The following FHIT variants were observed in gnomAD, a reference collection of about 807,000 sequenced individuals.
The protein encoded by FHIT is fragile histidine triad diadenosine triphosphatase.
A neutral mutation model predicts 17.9 loss-of-function variants in FHIT; 19 were observed. That is an observed-to-expected ratio of 1.06 (90% CI 0.74 to 1.56). The LOEUF is 1.56. FHIT is among the 40% of genes most tolerant of loss of function. FHIT has a pLI of 0.00. For missense variants in FHIT, 248 were observed against 189.2 expected, an observed-to-expected ratio of 1.31 and a Z score of -1.82; for synonymous variants, 81 against 69.7, an observed-to-expected ratio of 1.16 and a Z score of -0.81.
At chr3:59,749,791 G>C (rs1045268372) in intron 9 of FHIT, 1 of 222,048 alleles carries the variant, frequency 4.5e-6, no homozygotes, top group Admixed American at 5.9e-5. Flanking sequence ...CTGTGAGGAT[G>C]GTTTCAATAG....
intron 4 of FHIT, chr3:60,537,378 CT>C: frequency 3.0e-6 from 2 of 657,070 alleles, no homozygotes; most frequent in Non-Finnish European, 1.9e-6. Flanking sequence ...AACTATAAAC[CT>C]TCTAATTCTT....
intron 8 of FHIT, among the ~76,000 whole-genome samples, chr3:59,802,172 T>C (rs1262378982): frequency 1.8e-5 from 2 of 108,296 alleles, no homozygotes; most frequent in Non-Finnish European, 4.5e-5. Flanking sequence ...ATTAGACTTG[T>C]ATTAAAAAAA....
Position 60,059,877 on chromosome 3 carries a change from T to C in FHIT, c.104-45725A>G, listed in dbSNP as rs78067898. The stretch of plus-strand genomic sequence containing the variant: ...AAAACTTTACTAGCTATTCTTCAAA[T>C]CGACAATGGTTTGACTTCAACAGGT... On this transcript the variant is annotated intron_variant, in intron 5 of 9. Coordinates refer to ENST00000492590, the MANE Select transcript of FHIT (RefSeq NM_002012.4). Among the ~76,000 whole-genome samples, 46 of 152,306 alleles carry C rather than the reference T, an allele frequency of 3.0e-4. 2 individuals carry two copies. In the East Asian group the frequency reaches 8.9e-3, roughly 29 times the overall value.
chr3:60,278,229 A>C (rs1261219252), intron 5 of FHIT, among the ~76,000 whole-genome samples: 1 of 152,124 alleles, frequency 6.6e-6, no homozygotes, highest in African/African-American at 2.4e-5. Context: ...TCTCATGGGG[A>C]AGTCTGGAGA....
intron 7 of FHIT, among the ~76,000 whole-genome samples, chr3:59,946,130 T>G (rs1478403032): frequency 6.6e-6 from 1 of 152,228 alleles, no homozygotes; most frequent in Non-Finnish European, 1.5e-5. Flanking sequence ...GTGGCCATTT[T>G]AACAGTATTG....
intron 5 of FHIT, among the ~76,000 whole-genome samples, chr3:60,245,263 T>C (rs1705333678): frequency 6.6e-6 from 1 of 152,096 alleles, no homozygotes; most frequent in Admixed American, 6.6e-5. Context: ...GCTAATAATT[T>C]TGCATTTCGA....
At chr3:60,432,974 T>G (rs991214385) in intron 5 of FHIT, among the ~76,000 whole-genome samples, 1 of 151,880 alleles carries the variant, frequency 6.6e-6, no homozygotes, top group Non-Finnish European at 1.5e-5. Context: ...AAATTTTAAG[T>G]GCACTAGATA....
intron 7 of FHIT, among the ~76,000 whole-genome samples, chr3:59,966,569 G>T (rs991869776): frequency 3.9e-5 from 6 of 152,084 alleles, no homozygotes; most frequent in African/African-American, 1.2e-4. Context: ...GGTTACAAAG[G>T]TATAGAGCAT....
intron 5 of FHIT, among the ~76,000 whole-genome samples, chr3:60,480,077 T>C (rs2033538935): frequency 6.6e-6 from 1 of 152,102 alleles, no homozygotes; most frequent in South Asian, 2.1e-4. Context: ...TTCCACATGG[T>C]TGGGGAGGCC....
At chr3:60,686,415 G>T (rs190447558) in intron 4 of FHIT, among the ~76,000 whole-genome samples, 1 of 152,122 alleles carries the variant, frequency 6.6e-6, no homozygotes, top group Middle Eastern at 3.4e-3. Flanking sequence ...GCAAAACCAC[G>T]ATTACTTTTG....
chr3:61,060,340 C>T (rs371806841), intron 2 of FHIT, among the ~76,000 whole-genome samples: 16 of 152,220 alleles, frequency 1.1e-4, no homozygotes, highest in African/African-American at 2.9e-4. Flanking sequence ...TTTCCAGGAA[C>T]CTATCAATGA....
At chr3:60,858,887 A>G (rs997970723) in intron 3 of FHIT, among the ~76,000 whole-genome samples, 4 of 152,134 alleles carry the variant, frequency 2.6e-5, no homozygotes, top group Non-Finnish European at 5.9e-5. Flanking sequence ...CACAGGCTGC[A>G]ATGCCTAAGT....
Position 60,267,931 on chromosome 3 carries a change from C to T in FHIT, c.104-253779G>A, listed in dbSNP as rs188661502. Among the ~76,000 whole-genome samples, 866 of 152,256 alleles carry T rather than the reference C, an allele frequency of 5.7e-3. 5 individuals carry two copies. The highest frequency in any genetic ancestry group is 0.017 in the Middle Eastern group (5 of 294). The stretch of plus-strand genomic sequence containing the variant: ...TATTTGAAGGACATTTTTAAAAGTG[C>T]TAAACTATAAATATTCTGATTCACT... On this transcript the variant is annotated intron_variant, in intron 5 of 9. Coordinates refer to ENST00000492590, the MANE Select transcript of FHIT (RefSeq NM_002012.4).
intron 3 of FHIT, among the ~76,000 whole-genome samples, chr3:60,991,737 A>G (rs1379465127): frequency 1.3e-5 from 2 of 152,186 alleles, no homozygotes; most frequent in Non-Finnish European, 2.9e-5. Flanking sequence ...ATGAGATATA[A>G]CACATAATAC....
intron 5 of FHIT, among the ~76,000 whole-genome samples, chr3:60,269,626 A>G (rs1482167170): frequency 9.9e-5 from 15 of 152,220 alleles, no homozygotes; most frequent in Non-Finnish European, 1.5e-5. Context: ...GCAGTCTTTT[A>G]TCTATTTCTC....
intron 5 of FHIT, among the ~76,000 whole-genome samples, chr3:60,305,737 C>T (rs1708641748): frequency 6.6e-6 from 1 of 152,098 alleles, no homozygotes; most frequent in African/African-American, 2.4e-5. Context: ...TCTCAGAATG[C>T]AGTGCAATAG....
chr3:60,658,044 A>T (rs942556337), intron 4 of FHIT, among the ~76,000 whole-genome samples: 5 of 152,102 alleles, frequency 3.3e-5, no homozygotes, highest in Non-Finnish European at 5.9e-5. Flanking sequence ...CTATCTCCAG[A>T]ACTCTTCATC....
At chr3:60,510,731 A>C (rs2034919547) in intron 5 of FHIT, among the ~76,000 whole-genome samples, 1 of 152,172 alleles carries the variant, frequency 6.6e-6, no homozygotes, top group African/African-American at 2.4e-5. Flanking sequence ...CACACACACA[A>C]TATAGAAATA....
At chr3:60,962,953 T>C (rs1178985693) in intron 3 of FHIT, among the ~76,000 whole-genome samples, 1 of 152,212 alleles carries the variant, frequency 6.6e-6, no homozygotes, top group Non-Finnish European at 1.5e-5. Context: ...TAAAATGAGT[T>C]AGGGAGGATT....
Sources: allele counts gnomAD v4.1 joint callset (sites outside exome capture counted in the v4.1 genomes callset), GRCh38; gene constraint gnomAD v4.1.1; transcripts MANE v1.5; gene names NCBI Gene and HGNC (gene_info 2026-07-23, HGNC 2026-07-21).